The following TMEM123 variants were observed in gnomAD, a reference collection of about 807,000 sequenced individuals.
TMEM123 encodes transmembrane protein 123.
A neutral mutation model predicts 19.7 loss-of-function variants in TMEM123; 16 were observed. The ratio of observed to expected loss-of-function variants is 0.81; its 90% confidence interval spans 0.55 to 1.23. The LOEUF (loss-of-function observed/expected upper bound fraction) is 1.23, where lower values mean the gene tolerates loss of function less well. Ranked by LOEUF, TMEM123 falls within the 50% of genes most tolerant of loss-of-function variation. TMEM123 has a pLI of 0.00. For missense variants in TMEM123, 313 were observed against 257.8 expected (o/e 1.21, Z -1.47); for synonymous variants, 118 against 99.4 (o/e 1.19, Z -1.12).
chr11:102,415,569 C>G (rs148819984), intron 2 of TMEM123, among the ~76,000 whole-genome samples: 75 of 152,272 alleles, frequency 4.9e-4, no homozygotes, highest in African/African-American at 1.7e-3. Flanking sequence ...CTGCTCATTA[C>G]TAACTTTGGG....
chr11:102,411,135 CCTCAGGATGGG>C (rs1952000677), intron 2 of TMEM123, among the ~76,000 whole-genome samples: 1 of 152,080 alleles, frequency 6.6e-6, no homozygotes, highest in Admixed American at 6.6e-5. Flanking sequence ...CCACAGATAG[CCTCAGGATGGG>C]CTCCTCACCA....
At chr11:102,442,393 C>G (rs143417016) in intron 2 of TMEM123, among the ~76,000 whole-genome samples, 2 of 152,134 alleles carry the variant, frequency 1.3e-5, no homozygotes. Context: ...TGGTTCAACA[C>G]ATGCAAATCA....
At chr11:102,442,769 G>A (rs1189808169) in intron 2 of TMEM123, among the ~76,000 whole-genome samples, 2 of 152,332 alleles carry the variant, frequency 1.3e-5, no homozygotes, top group East Asian at 3.9e-4. Flanking sequence ...CCTGTTTGCA[G>A]ATGACATGAT....
At position 102,422,963 on chromosome 11, in the gene TMEM123, T is replaced by C. The variant is rs1952098836; in HGVS notation, c.158-20757A>G. ...AACATGTTAGTACACATTGAGGTTT[T>C]TTAGTTACAGGAGAGCTACCTCTCA... On this transcript the variant is annotated intron_variant, in intron 2 of 4. Transcript: ENST00000398136. Among the ~76,000 whole-genome samples the C allele has an allele frequency of 3.3e-5, 5 of 152,324 alleles. No homozygotes were observed. In the South Asian group the frequency reaches 1.0e-3, roughly 32 times the overall value.
At chr11:102,435,904 C>G (rs1857757725) in intron 2 of TMEM123, among the ~76,000 whole-genome samples, 1 of 151,684 alleles carries the variant, frequency 6.6e-6, no homozygotes, top group Non-Finnish European at 1.5e-5. Context: ...AAATAAAGAG[C>G]ACAGGGTTTC....
At chr11:102,414,192 G>C (rs1952026434) in intron 2 of TMEM123, among the ~76,000 whole-genome samples, 1 of 152,098 alleles carries the variant, frequency 6.6e-6, no homozygotes, top group Non-Finnish European at 1.5e-5. Flanking sequence ...CTAGAAATAT[G>C]GGATTATGTA....
At position 102,398,017 on chromosome 11, in the gene TMEM123, G is replaced by C. The variant is rs1450727999; in HGVS notation, c.*850C>G. 2 of 152,152 alleles carry C rather than the reference G, an allele frequency of 1.3e-5. No individual in the cohort carries two copies. The highest frequency in any genetic ancestry group is 2.4e-5 in the African/African-American group (1 of 41,430). 9.4% of individuals were successfully genotyped at this position (152,152 alleles called of 1,614,324 possible). ...TAAAATTAAAATTAAATGAACTAAA[G>C]TAACTTCCAGTGGTGACAATATTCT... is the stretch of plus-strand genomic sequence containing the variant. On this transcript the variant is annotated 3_prime_UTR_variant, in exon 5 of 5. Coordinates refer to ENST00000398136, the MANE Select transcript of TMEM123 (RefSeq NM_052932.3).
chr11:102,423,180 C>T (rs528079903), intron 2 of TMEM123, among the ~76,000 whole-genome samples: 1 of 152,314 alleles, frequency 6.6e-6, no homozygotes, highest in East Asian at 1.9e-4. Flanking sequence ...ACAGTGCAAA[C>T]ATGCAAATGA....
intron 2 of TMEM123, among the ~76,000 whole-genome samples, chr11:102,416,356 A>T (rs1243648783): frequency 6.6e-6 from 1 of 152,180 alleles, no homozygotes; most frequent in Non-Finnish European, 1.5e-5. Context: ...AATACAAAAA[A>T]CCCTCAGAGA....
intron 2 of TMEM123, among the ~76,000 whole-genome samples, chr11:102,418,530 T>A (rs923811104): frequency 2.0e-5 from 3 of 152,122 alleles, no homozygotes; most frequent in African/African-American, 7.2e-5. Flanking sequence ...GGCAAGGCCA[T>A]GGAGAAAAAG....
At chr11:102,404,109 A>G (rs1393926494) in intron 2 of TMEM123, among the ~76,000 whole-genome samples, 1 of 152,162 alleles carries the variant, frequency 6.6e-6, no homozygotes, top group Non-Finnish European at 1.5e-5. Flanking sequence ...TACTTAAGGT[A>G]CACAGAATTA....
At chr11:102,399,006 T>C in intron 4 of TMEM123, 115 bp from the exon 5 acceptor site, 1 of 941,032 alleles carries the variant, frequency 1.1e-6, no homozygotes, top group South Asian at 1.6e-5. Context: ...ACAATCAAAA[T>C]GGTCAGTGTT....
Position 102,402,041 on chromosome 11 carries a change from G to C in TMEM123, c.323C>G (p.Thr108Ser), listed in dbSNP as rs752995129. 12 of 1,613,980 alleles carry C rather than the reference G, an allele frequency of 7.4e-6. No individual in the cohort carries two copies. The Admixed American group carries it at 2.0e-4, about 27-fold the overall frequency. The change falls in exon 3 of 5, where the codon ACT becomes AGT. Residue 108 changes from threonine to serine, a missense_variant. Transcript: ENST00000398136. ...GGGTGTAGACTTTAAGGTGGTAGAA[G>C]TCATATTTGTTGAGACCATCCCTGG... ...TTPGMVSTNM[T>S]STTLKSTPKT...
intron 2 of TMEM123, among the ~76,000 whole-genome samples, chr11:102,423,787 A>G (rs1311317368): frequency 6.6e-6 from 1 of 152,208 alleles, no homozygotes; most frequent in Non-Finnish European, 1.5e-5. Flanking sequence ...CACACCAGCT[A>G]ACAGTGATTA....
chr11:102,436,442 C>T (rs905509680), intron 2 of TMEM123, among the ~76,000 whole-genome samples: 1 of 152,018 alleles, frequency 6.6e-6, no homozygotes, highest in South Asian at 2.1e-4. Context: ...GGATTACAGG[C>T]GTGAGCCACC....
At chr11:102,442,902 A>G (rs1857842331) in intron 2 of TMEM123, among the ~76,000 whole-genome samples, 1 of 152,210 alleles carries the variant, frequency 6.6e-6, no homozygotes, top group Admixed American at 6.5e-5. Flanking sequence ...TACACCAATA[A>G]AAGACAAACA....
intron 1 of TMEM123, among the ~76,000 whole-genome samples, chr11:102,451,844 T>C (rs904996589): frequency 6.6e-6 from 1 of 152,228 alleles, no homozygotes; most frequent in East Asian, 1.9e-4. Flanking sequence ...CGTGCAGCTG[T>C]GCCCTTAACG....
In TMEM123 at chr11:102,396,422, G is replaced by GT. The variant is rs1951855903; in HGVS notation, c.*2444dup. Reference sequence around the variant, plus strand: ...TCATTATAATAAAAAGAAAAGAAGAGTTTAACTTTTTTTTTGTGAAAATAC... The same window carrying GT: ...TCATTATAATAAAAAGAAAAGAAGAGTTTTAACTTTTTTTTTGTGAAAATAC... On this transcript the variant is annotated 3_prime_UTR_variant, in exon 5 of 5. Coordinates refer to ENST00000398136, the MANE Select transcript of TMEM123 (RefSeq NM_052932.3). The GT allele has an allele frequency of 6.6e-6, 1 of 151,986 alleles. No homozygotes were observed. The highest frequency in any genetic ancestry group is 6.6e-5 in the Admixed American group (1 of 15,248). 9.4% of individuals were successfully genotyped at this position (151,986 alleles called of 1,614,324 possible). A position where few individuals can be genotyped will look rare whatever the true frequency, so the allele number is the denominator to read the frequency against.
intron 2 of TMEM123, among the ~76,000 whole-genome samples, chr11:102,446,388 ACT>A (rs1857883631): frequency 6.6e-6 from 1 of 152,208 alleles, no homozygotes; most frequent in African/African-American, 2.4e-5. Context: ...AAAAAATAGA[ACT>A]GTTACATGTA....
Sources: allele counts gnomAD v4.1 joint callset (sites outside exome capture counted in the v4.1 genomes callset), GRCh38; gene constraint gnomAD v4.1.1; transcripts MANE v1.5; gene names NCBI Gene and HGNC (gene_info 2026-07-23, HGNC 2026-07-21).